The following ELSPBP1 variants were observed in gnomAD, a reference collection of about 807,000 sequenced individuals.
ELSPBP1 encodes the protein epididymal sperm-binding protein 1.
Under a neutral mutation model 33.3 loss-of-function variants are expected in ELSPBP1, and 38 were observed. The observed-to-expected ratio is 1.14, with a 90% CI of 0.88 to 1.50. ELSPBP1 has a LOEUF of 1.50. Ranked by LOEUF, ELSPBP1 falls within the 40% of genes most tolerant of loss-of-function variation. The pLI is 0.00. For missense variants in ELSPBP1, 267 were observed against 263.5 expected, an observed-to-expected ratio of 1.01 and a Z score of -0.09; for synonymous variants, 85 against 94.1, an observed-to-expected ratio of 0.90 and a Z score of 0.56.
At chr19:48,002,456 C>G (rs1036072453) in intron 1 of ELSPBP1, among the ~76,000 whole-genome samples, 2 of 152,098 alleles carry the variant, frequency 1.3e-5, no homozygotes, top group African/African-American at 4.8e-5. Flanking sequence ...GAGGAGGTGG[C>G]AAAATTTGTC....
chr19:48,020,902 G>A (rs1002754045), intron 5 of ELSPBP1, among the ~76,000 whole-genome samples: 2 of 152,198 alleles, frequency 1.3e-5, no homozygotes, highest in Non-Finnish European at 2.9e-5. Flanking sequence ...GGGTCAGTCC[G>A]AATAGCTGTG....
At chr19:48,016,465 CTTCTTTCTTTCTTTCTTTCTTTCT>C (rs1196910160) in intron 4 of ELSPBP1, among the ~76,000 whole-genome samples, 16 of 44,584 alleles carry the variant, frequency 3.6e-4, no homozygotes, top group Non-Finnish European at 3.0e-4. Context: ...CTTTTCTTTC[CTTCTTTCTTTCTTTCTTTCTTTCT>C]TTCTTTCTTT....
chr19:48,022,226 A>G lies in ELSPBP1; in HGVS notation c.571A>G (p.Lys191Glu), dbSNP rs752674666. 1 of 1,613,842 alleles carries G rather than the reference A, an allele frequency of 6.2e-7. No homozygotes were observed. Among genetic ancestry groups the G allele is most frequent in the African/African-American group, 1.3e-5 (1 of 75,038 alleles). ...PCHFPFNYKN[K>E]NYFNCTNEGS... The stretch of plus-strand genomic sequence containing the variant: ...TCACTTTCCGTTCAACTATAAAAAC[A>G]AGAATTATTTTAACTGCACTAACGA... The change falls in exon 6 of 7, where the codon AAG becomes GAG. Residue 191 changes from lysine to glutamate, a missense_variant. Physicochemically the swap from Lys to Glu is moderately conservative, Grantham distance 56. Coordinates refer to ENST00000339841, the MANE Select transcript of ELSPBP1 (RefSeq NM_022142.5).
chr19:48,018,757 T>C (rs1221235646), intron 4 of ELSPBP1, among the ~76,000 whole-genome samples: 6 of 151,912 alleles, frequency 3.9e-5, no homozygotes, highest in Non-Finnish European at 8.8e-5. Flanking sequence ...AACCCCTTAG[T>C]CAAATTCTAG....
chr19:48,003,951 A>G (rs1024955323), intron 1 of ELSPBP1, among the ~76,000 whole-genome samples: 18 of 66,610 alleles, frequency 2.7e-4, no homozygotes, highest in Non-Finnish European at 4.5e-4. Context: ...ATTCTATTCT[A>G]TTCTATTCTT....
intron 1 of ELSPBP1, among the ~76,000 whole-genome samples, chr19:48,002,372 A>T (rs1966976426): frequency 6.6e-6 from 1 of 152,226 alleles, no homozygotes; most frequent in African/African-American, 2.4e-5. Context: ...TTAATGAACC[A>T]ATTAAGGTGT....
chr19:48,006,593 G>A (rs1349830580), intron 1 of ELSPBP1, among the ~76,000 whole-genome samples: 1 of 70,754 alleles, frequency 1.4e-5, no homozygotes, highest in Admixed American at 1.5e-4. Flanking sequence ...CAGTCTGGGC[G>A]TCTGGGCGAC....
At position 48,011,254 on chromosome 19, in the gene ELSPBP1, GATA is replaced by G. The variant is rs1208990320; in HGVS notation, c.70+2520_70+2522del. 3.3e-5 allele frequency among the ~76,000 whole-genome samples: 5 copies of G among 151,406 alleles called. No homozygotes were observed. Among genetic ancestry groups the G allele is most frequent in the African/African-American group, 1.2e-4 (5 of 41,126 alleles). On this transcript the variant is annotated intron_variant, in intron 2 of 6. Transcript: ENST00000339841. The surrounding 1 kb of genome is among the most constrained non-coding windows in gnomAD (Gnocchi z 4.5). ...GTTGATGATGATGATGACAATGATT[GATA>G]ATGATGATGACAATGACGATGATGA... is the stretch of plus-strand genomic sequence containing the variant.
intron 6 of ELSPBP1, 48 bp downstream of exon 6, chr19:48,022,382 AC>A (rs1967211364): frequency 6.6e-7 from 1 of 1,524,420 alleles, no homozygotes; most frequent in Non-Finnish European, 8.9e-7. Flanking sequence ...CAGAGGTGAG[AC>A]AGGTGCACAA....
At chr19:48,017,981 C>G (rs186677713) in intron 4 of ELSPBP1, among the ~76,000 whole-genome samples, 3 of 151,466 alleles carry the variant, frequency 2.0e-5, no homozygotes, top group Non-Finnish European at 4.4e-5. Context: ...TCCTGTTTAT[C>G]CTTAAAACTA....
chr19:48,014,008 C>G (rs146632554), intron 2 of ELSPBP1, among the ~76,000 whole-genome samples, 163 bp from the exon 3 acceptor site: 1 of 152,114 alleles, frequency 6.6e-6, no homozygotes, highest in Non-Finnish European at 1.5e-5. Flanking sequence ...AAAGGCCCCT[C>G]GTACCATGAC....
chr19:48,003,528 C>A (rs1966986809), intron 1 of ELSPBP1, among the ~76,000 whole-genome samples: 1 of 144,646 alleles, frequency 6.9e-6, no homozygotes, highest in Admixed American at 7.5e-5. Flanking sequence ...TGAATAAATG[C>A]CACCCCTGCT....
intron 1 of ELSPBP1, among the ~76,000 whole-genome samples, chr19:47,997,281 T>G (rs1263220247): frequency 6.6e-6 from 1 of 152,242 alleles, no homozygotes; most frequent in Non-Finnish European, 1.5e-5. Flanking sequence ...TTTTGTGATT[T>G]TAAACTGCCT....
intron 1 of ELSPBP1, among the ~76,000 whole-genome samples, chr19:48,008,356 C>G (rs1005819440): frequency 6.6e-6 from 1 of 152,140 alleles, no homozygotes; most frequent in African/African-American, 2.4e-5. Flanking sequence ...CCTCAGCCTC[C>G]TGAATAGCTG....
At chr19:48,021,478 C>T (rs1171192521) in intron 5 of ELSPBP1, among the ~76,000 whole-genome samples, 1 of 150,950 alleles carries the variant, frequency 6.6e-6, no homozygotes, top group Non-Finnish European at 1.5e-5. Context: ...CTCACTCTGT[C>T]GCCCAGGCTG....
intron 1 of ELSPBP1, among the ~76,000 whole-genome samples, chr19:47,995,108 T>G (rs1274986414): frequency 6.6e-6 from 1 of 152,212 alleles, no homozygotes; most frequent in Admixed American, 6.5e-5. Context: ...GTCTTCAGAA[T>G]CAATAGGTAT....
At chr19:48,010,930 C>G (rs2122311211) in intron 2 of ELSPBP1, among the ~76,000 whole-genome samples, 1 of 152,342 alleles carries the variant, frequency 6.6e-6, no homozygotes. Context: ...ACAGGGGCAT[C>G]TGCCCTCTCC....
chr19:48,022,031 C>T (rs192937763), intron 5 of ELSPBP1, 139 bp from the exon 6 acceptor site: 100 of 734,174 alleles, frequency 1.4e-4, no homozygotes, highest in Admixed American at 8.9e-4. Context: ...TAAATGCGCG[C>T]GATTAAATGC....
intron 6 of ELSPBP1, among the ~76,000 whole-genome samples, chr19:48,023,410 AGGAG>A (rs1361849051): frequency 1.2e-5 from 1 of 81,198 alleles, no homozygotes; most frequent in Non-Finnish European, 2.4e-5. Flanking sequence ...GAAGTGAGGG[AGGAG>A]GGAGGGAGGG....
Sources: gnomAD v4.1 joint callset for allele counts (sites outside exome capture counted in the v4.1 genomes callset) on GRCh38, gnomAD v4.1.1 for gene constraint, Gnocchi (gnomAD v3.1) non-coding constraint, MANE v1.5 for transcripts, NCBI Gene and HGNC (gene_info 2026-07-23, HGNC 2026-07-21) for gene names.